The following MED27 variants were observed in gnomAD, a reference collection of about 807,000 sequenced individuals.
MED27 encodes the protein mediator of RNA polymerase II transcription subunit 27.
A neutral mutation model predicts 38.2 loss-of-function variants in MED27; 30 were observed. The observed-to-expected ratio is 0.79, with a 90% CI of 0.59 to 1.07. MED27 has a LOEUF of 1.07. Among genes scored for constraint, MED27 ranks in the 50% least tolerant of loss-of-function variants. MED27 has a pLI of 0.00. For missense variants in MED27, 289 were observed against 397.5 expected (o/e 0.73, Z 2.32); for synonymous variants, 122 against 153.5 (o/e 0.79, Z 1.52).
At chr9:132,066,345 T>C (rs1455272227) in intron 2 of MED27, among the ~76,000 whole-genome samples, 4 of 152,234 alleles carry the variant, frequency 2.6e-5, no homozygotes, top group Admixed American at 6.5e-5. Context: ...TGCAGGCTCC[T>C]TGCAGCTGAC....
chr9:132,079,331 A>G (rs1834122473), intron 1 of MED27, among the ~76,000 whole-genome samples: 1 of 152,078 alleles, frequency 6.6e-6, no homozygotes, highest in South Asian at 2.1e-4. Flanking sequence ...CAGGTGAGAA[A>G]CCTGCCAAGC....
rs1055354964 is a variant in MED27, at chr9:131,861,798, C to T, written c.802-1126G>A. 1.4e-5 allele frequency among the ~76,000 whole-genome samples: 2 copies of T among 147,612 alleles called. No individual in the cohort carries two copies. Among genetic ancestry groups the T allele is most frequent in the Non-Finnish European group, 3.0e-5 (2 of 67,600 alleles). On this transcript the variant is annotated intron_variant, in intron 7 of 7. Coordinates refer to ENST00000292035, the MANE Select transcript of MED27 (RefSeq NM_004269.4). This position sits in a 1 kb window ranked among gnomAD's most constrained non-coding sequence, Gnocchi z 4.4. Reference sequence around the variant, plus strand: ...TTTTTTTTTTTTTTTTATGAGACCACATCTCGCTCTGACACCCAGGCTGGA... The same window carrying T: ...TTTTTTTTTTTTTTTTATGAGACCATATCTCGCTCTGACACCCAGGCTGGA...
At position 131,860,444 on chromosome 9, in the gene MED27, T is replaced by C; in HGVS notation, c.*94A>G. The C allele has an allele frequency of 7.3e-7, 1 of 1,376,204 alleles. No homozygotes were observed. Among genetic ancestry groups the C allele is most frequent in the South Asian group, 1.5e-5 (1 of 66,232 alleles). 85.2% of individuals were successfully genotyped at this position (1,376,204 alleles called of 1,614,324 possible). A position where few individuals can be genotyped will look rare whatever the true frequency, so the allele number is the denominator to read the frequency against. The stretch of plus-strand genomic sequence containing the variant: ...TGAAAGGGAGGAGCAGCTGTACACA[T>C]CTGGGCAGTGAGGAACCAGCTGAGC... On this transcript the variant is annotated 3_prime_UTR_variant, in exon 8 of 8. Transcript: ENST00000292035. The surrounding 1 kb of genome is among the most constrained non-coding windows in gnomAD (Gnocchi z 5.8).
At chr9:131,914,369 T>C (rs1418432830) in intron 4 of MED27, among the ~76,000 whole-genome samples, 1 of 152,218 alleles carries the variant, frequency 6.6e-6, no homozygotes, top group African/African-American at 2.4e-5. Flanking sequence ...GCTAATTTGC[T>C]AGGCAGGCAG....
At chr9:132,055,013 A>G (rs959752487) in intron 2 of MED27, among the ~76,000 whole-genome samples, 8 of 151,944 alleles carry the variant, frequency 5.3e-5, no homozygotes, top group African/African-American at 1.9e-4. Context: ...GCTTTCTTTG[A>G]CCATCCCAGC....
At chr9:132,033,990 C>A (rs950955610) in intron 2 of MED27, among the ~76,000 whole-genome samples, 1 of 152,230 alleles carries the variant, frequency 6.6e-6, no homozygotes, top group Middle Eastern at 3.4e-3. Context: ...GTATTAAATG[C>A]GAGGCATGTG....
At chr9:131,898,152 G>A (rs1257159505) in intron 4 of MED27, among the ~76,000 whole-genome samples, 1 of 129,392 alleles carries the variant, frequency 7.7e-6, no homozygotes, top group Non-Finnish European at 1.6e-5. Context: ...AGTAGTTTAT[G>A]GATAGTCAGT....
At chr9:132,008,407 C>T (rs1440372565) in intron 3 of MED27, among the ~76,000 whole-genome samples, 1 of 152,338 alleles carries the variant, frequency 6.6e-6, no homozygotes. Context: ...GAAACGATAG[C>T]ACCCCTTGTG....
intron 6 of MED27, among the ~76,000 whole-genome samples, chr9:131,864,603 C>A (rs975364157): frequency 3.3e-5 from 5 of 152,214 alleles, no homozygotes; most frequent in Non-Finnish European, 7.3e-5. Context: ...TTCTAACCCC[C>A]AATGAACACT....
chr9:131,878,287 A>G (rs539293604), intron 6 of MED27, among the ~76,000 whole-genome samples: 4 of 149,974 alleles, frequency 2.7e-5, no homozygotes, highest in African/African-American at 7.5e-5. Flanking sequence ...ATAAATAAAT[A>G]AATAAATAAA....
intron 2 of MED27, among the ~76,000 whole-genome samples, chr9:132,024,776 G>A (rs544813097): frequency 1.1e-3 from 173 of 152,308 alleles, no homozygotes; most frequent in Non-Finnish European, 1.7e-3. Flanking sequence ...AGGCAATCCC[G>A]AGGATTAGTT....
At chr9:131,986,751 T>C (rs766644701) in intron 3 of MED27, among the ~76,000 whole-genome samples, 1 of 152,184 alleles carries the variant, frequency 6.6e-6, no homozygotes, top group Non-Finnish European at 1.5e-5. Context: ...TCTGAAATAT[T>C]ATTCCTGACA....
At chr9:131,894,981 G>A (rs961920155) in intron 4 of MED27, among the ~76,000 whole-genome samples, 4 of 152,090 alleles carry the variant, frequency 2.6e-5, no homozygotes, top group African/African-American at 9.7e-5. Flanking sequence ...GCCTTCACAC[G>A]TGTCTGCCTC....
intron 3 of MED27, among the ~76,000 whole-genome samples, chr9:131,976,960 C>T (rs1167677566): frequency 3.3e-5 from 5 of 152,214 alleles, no homozygotes; most frequent in African/African-American, 1.2e-4. Flanking sequence ...CAAGATTCTA[C>T]TTGCAGGAGC....
chr9:131,948,390 G>C (rs1377684558), intron 3 of MED27, among the ~76,000 whole-genome samples: 1 of 151,876 alleles, frequency 6.6e-6, no homozygotes, highest in African/African-American at 2.4e-5. Flanking sequence ...AGGAGGCTGA[G>C]GCACAAGAAT....
rs545896694 is a variant in MED27, at chr9:131,915,378, C to T, written c.574-21386G>A. 3.3e-5 allele frequency among the ~76,000 whole-genome samples: 5 copies of T among 152,236 alleles called. No individual in the cohort carries two copies. The East Asian group carries it at 5.8e-4, about 18-fold the overall frequency. On this transcript the variant is annotated intron_variant, in intron 4 of 7. Coordinates refer to ENST00000292035, the MANE Select transcript of MED27 (RefSeq NM_004269.4). ...TGAAAGAACTGGACATAGATGGATG[C>T]GCAGTGAAATAAGCATGATCAATAA...
At chr9:132,059,302 G>A (rs1833649445) in intron 2 of MED27, among the ~76,000 whole-genome samples, 1 of 152,188 alleles carries the variant, frequency 6.6e-6, no homozygotes, top group African/African-American at 2.4e-5. Flanking sequence ...GACTCTGGTG[G>A]AGCACTACAG....
intron 2 of MED27, among the ~76,000 whole-genome samples, chr9:132,054,644 T>C (rs1288070396): frequency 6.6e-6 from 1 of 152,078 alleles, no homozygotes; most frequent in Non-Finnish European, 1.5e-5. Flanking sequence ...TCCTGGGATC[T>C]AGAGATCCAC....
intron 3 of MED27, among the ~76,000 whole-genome samples, chr9:131,964,808 C>T (rs950088572): frequency 3.3e-5 from 5 of 152,334 alleles, no homozygotes; most frequent in Middle Eastern, 3.4e-3. Flanking sequence ...GGACATATTA[C>T]CCATATTTTA....
Sources: gnomAD v4.1 joint callset for allele counts (sites outside exome capture counted in the v4.1 genomes callset) on GRCh38, gnomAD v4.1.1 for gene constraint, Gnocchi (gnomAD v3.1) non-coding constraint, MANE v1.5 for transcripts, NCBI Gene and HGNC (gene_info 2026-07-23, HGNC 2026-07-21) for gene names.